AGPAT3: variants seen among roughly 807,000 people sequenced by gnomAD.
AGPAT3 encodes 1-acylglycerol-3-phosphate O-acyltransferase 3, also known as 1-acyl-sn-glycerol-3-phosphate acyltransferase gamma.
A neutral mutation model predicts 47.3 loss-of-function variants in AGPAT3; 5 were observed. That is an observed-to-expected ratio of 0.11 (90% CI 0.06 to 0.22). The LOEUF is 0.22. AGPAT3 is among the 10% of genes least tolerant of loss of function. The pLI, the probability that AGPAT3 is intolerant of heterozygous loss-of-function variation, is 1.00. For missense variants in AGPAT3, 315 were observed against 493.0 expected, an observed-to-expected ratio of 0.64 and a Z score of 3.42; for synonymous variants, 212 against 208.3, an observed-to-expected ratio of 1.02 and a Z score of -0.15.
At chr21:43,972,795 G>A (rs944114953) in intron 7 of AGPAT3, among the ~76,000 whole-genome samples, 12 of 152,232 alleles carry the variant, frequency 7.9e-5, no homozygotes, top group African/African-American at 2.7e-4. Context: ...TTTGAGGCAC[G>A]AAGAAACCGT....
In AGPAT3 at chr21:43,970,524, T is replaced by C; in HGVS notation, c.511-129T>C. 1.0e-6 allele frequency: 1 copy of C among 971,108 alleles called. No individual in the cohort carries two copies. Among genetic ancestry groups the C allele is most frequent in the Non-Finnish European group, 1.5e-6 (1 of 659,482 alleles). 60.2% of individuals were successfully genotyped at this position (971,108 alleles called of 1,614,324 possible). A position where few individuals can be genotyped will look rare whatever the true frequency, so the allele number is the denominator to read the frequency against. On this transcript the variant is annotated intron_variant, in intron 5 of 9. Coordinates refer to ENST00000291572, the MANE Select transcript of AGPAT3 (RefSeq NM_020132.5). This position sits in a 1 kb window ranked among gnomAD's most constrained non-coding sequence, Gnocchi z 5.8. ...TTCAGTCATAACCCATGCTGCTCGC[T>C]AAAGCGGTTCCAAGATTTCCACAAA... is the stretch of plus-strand genomic sequence containing the variant.
At chr21:43,973,696 G>A (rs1228345971) in intron 7 of AGPAT3, among the ~76,000 whole-genome samples, 1 of 152,262 alleles carries the variant, frequency 6.6e-6, no homozygotes, top group East Asian at 1.9e-4. Context: ...GCTGTTTGAG[G>A]AGCAGCAGTG....
rs548238915 is a variant in AGPAT3 at position 43,931,648 on chromosome 21, C to T, written c.-49+27629C>T. On this transcript the variant is annotated intron_variant, in intron 2 of 9. Coordinates refer to ENST00000291572, the MANE Select transcript of AGPAT3 (RefSeq NM_020132.5). ...GTGCGACTCCCAGGCAGAGAACTGC[C>T]GCGTGCTTCAGCTTTGATTGACACT... 1.2e-4 allele frequency among the ~76,000 whole-genome samples: 18 copies of T among 151,860 alleles called. No homozygotes were observed. The South Asian group carries it at 3.1e-3, about 26-fold the overall frequency.
chr21:43,945,582 TC>T (rs1293707094), intron 2 of AGPAT3, among the ~76,000 whole-genome samples: 1 of 152,070 alleles, frequency 6.6e-6, no homozygotes, highest in Non-Finnish European at 1.5e-5. Context: ...CTGAGCCCTG[TC>T]CCCGCAGAGA....
Position 43,970,845 on chromosome 21 carries a change from C to T in AGPAT3, c.664+39C>T. 6.8e-7 allele frequency: 1 copy of T among 1,469,250 alleles called. No homozygotes were observed. Among genetic ancestry groups the T allele is most frequent in the South Asian group, 1.4e-5 (1 of 70,702 alleles). 91.0% of individuals were successfully genotyped at this position (1,469,250 alleles called of 1,614,324 possible). A position where few individuals can be genotyped will look rare whatever the true frequency, so the allele number is the denominator to read the frequency against. On this transcript the variant is annotated intron_variant, in intron 6 of 9. Coordinates refer to ENST00000291572, the MANE Select transcript of AGPAT3 (RefSeq NM_020132.5). The surrounding 1 kb of genome is among the most constrained non-coding windows in gnomAD (Gnocchi z 5.8). ...TGCCCGAGCCGGGGCCACCGCTATG[C>T]TCACGGAAAATAGTGATTTCTTTAA...
chr21:43,873,639 A>C (rs1379885109), intron 1 of AGPAT3, among the ~76,000 whole-genome samples: 2 of 152,166 alleles, frequency 1.3e-5, no homozygotes, highest in Non-Finnish European at 2.9e-5. Context: ...TGGCCTTCTA[A>C]AATGCTGGGA....
chr21:43,886,707 C>T (rs2085986726), intron 1 of AGPAT3, among the ~76,000 whole-genome samples: 2 of 152,210 alleles, frequency 1.3e-5, no homozygotes, highest in South Asian at 4.1e-4. Flanking sequence ...GCTTGTCTTT[C>T]TGTGCCTGGC....
rs2085835204 is a variant in AGPAT3, at chr21:43,880,538, G to A, written c.-112+15193G>A. On this transcript the variant is annotated intron_variant, in intron 1 of 9. Coordinates refer to ENST00000291572, the MANE Select transcript of AGPAT3 (RefSeq NM_020132.5). This position sits in a 1 kb window ranked among gnomAD's most constrained non-coding sequence, Gnocchi z 4.5. Reference sequence around the variant, plus strand: ...GTCCAGCTTTACTGGCAGGGATTCTGATGACTCAGAGACAGTAGCTACCCT... The same window carrying A: ...GTCCAGCTTTACTGGCAGGGATTCTAATGACTCAGAGACAGTAGCTACCCT... Among the ~76,000 whole-genome samples, 1 of 152,218 alleles carries A rather than the reference G, an allele frequency of 6.6e-6. No individual in the cohort carries two copies. The highest frequency in any genetic ancestry group is 2.4e-5 in the African/African-American group (1 of 41,458).
intron 3 of AGPAT3, among the ~76,000 whole-genome samples, chr21:43,963,745 C>T (rs886628759): frequency 7.4e-5 from 11 of 149,460 alleles, no homozygotes; most frequent in Non-Finnish European, 1.3e-4. Flanking sequence ...AGGAAGTCTT[C>T]GAATCCCCGG....
intron 2 of AGPAT3, among the ~76,000 whole-genome samples, chr21:43,917,839 T>A (rs1488957630): frequency 8.8e-5 from 5 of 56,980 alleles, no homozygotes; most frequent in African/African-American, 3.7e-4. Flanking sequence ...TTGTGGGTGT[T>A]GTGTTGTGGG....
intron 3 of AGPAT3, among the ~76,000 whole-genome samples, chr21:43,961,645 C>T (rs552027071): frequency 2.0e-5 from 3 of 149,586 alleles, no homozygotes; most frequent in East Asian, 2.0e-4. Flanking sequence ...AGCGCGTATA[C>T]GCTTTGTCTC....
At chr21:43,877,060 T>C (rs1166213753) in intron 1 of AGPAT3, among the ~76,000 whole-genome samples, 1 of 152,138 alleles carries the variant, frequency 6.6e-6, no homozygotes, top group East Asian at 1.9e-4. Context: ...GATTTGACCA[T>C]GTTACCCAGG....
At chr21:43,944,895 G>C (rs998076646) in intron 2 of AGPAT3, among the ~76,000 whole-genome samples, 10 of 152,204 alleles carry the variant, frequency 6.6e-5, no homozygotes, top group African/African-American at 2.2e-4. Context: ...GGTGCGGGGG[G>C]GCCACGTGCC....
At chr21:43,902,987 C>T (rs1032595978) in intron 1 of AGPAT3, among the ~76,000 whole-genome samples, 7 of 152,024 alleles carry the variant, frequency 4.6e-5, no homozygotes, top group Non-Finnish European at 8.8e-5. Flanking sequence ...GGTAACAGAG[C>T]GAGATCCTGT....
At position 43,985,499 on chromosome 21, in the gene AGPAT3, C is replaced by G; in HGVS notation, c.*3107C>G. 3.2e-6 allele frequency: 1 copy of G among 314,956 alleles called. No homozygotes were observed. The highest frequency in any genetic ancestry group is 2.6e-5 in the South Asian group (1 of 38,522). The allele number at this position is 314,956 out of a possible 1,614,324, so 19.5% of individuals were successfully genotyped here. ...ACCGTGGCATGAGAATCTTTCCTCA[C>G]GCTGTTCGTTGCGGTATTGCTGAGC... On this transcript the variant is annotated 3_prime_UTR_variant, in exon 10 of 10. Transcript: ENST00000291572.
At chr21:43,879,432 T>C (rs1000704554) in intron 1 of AGPAT3, among the ~76,000 whole-genome samples, 2 of 150,638 alleles carry the variant, frequency 1.3e-5, no homozygotes, top group Non-Finnish European at 2.9e-5. Flanking sequence ...TAAAGCACAA[T>C]TGATGCTGTA....
chr21:43,906,239 G>T (rs1023486085), intron 2 of AGPAT3, among the ~76,000 whole-genome samples: 1 of 152,064 alleles, frequency 6.6e-6, no homozygotes, highest in Non-Finnish European at 1.5e-5. Context: ...TCACCAAACC[G>T]GGTGACTGTC....
intron 1 of AGPAT3, among the ~76,000 whole-genome samples, chr21:43,874,954 A>G (rs577216929): frequency 6.6e-6 from 1 of 152,272 alleles, no homozygotes; most frequent in Admixed American, 6.5e-5. Context: ...ATTTGTATAT[A>G]ACCTGTGCAC....
At position 43,955,880 on chromosome 21, in the gene AGPAT3, A is replaced by T. The variant is rs57524571; in HGVS notation, c.-48-3754A>T. Among the ~76,000 whole-genome samples, 70,898 of 149,982 alleles carry T rather than the reference A, an allele frequency of 0.47. 17,185 individuals carry two copies. Among genetic ancestry groups the T allele is most frequent in the African/African-American group, 0.58 (23,605 of 40,620 alleles). ...GCACCACAGCACTCTAACCTGGGCA[A>T]CAGTGAGATAATCTGTCTCAAAAAA... On this transcript the variant is annotated intron_variant, in intron 2 of 9. Coordinates refer to ENST00000291572, the MANE Select transcript of AGPAT3 (RefSeq NM_020132.5). This position sits in a 1 kb window ranked among gnomAD's most constrained non-coding sequence, Gnocchi z 4.1.
Sources: gnomAD v4.1 joint callset for allele counts (sites outside exome capture counted in the v4.1 genomes callset) on GRCh38, gnomAD v4.1.1 for gene constraint, Gnocchi (gnomAD v3.1) non-coding constraint, MANE v1.5 for transcripts, NCBI Gene and HGNC (gene_info 2026-07-23, HGNC 2026-07-21) for gene names.